Variants in LAMTOR1 observed in about 807,000 individuals in gnomAD.
LAMTOR1 encodes ragulator complex protein LAMTOR1.
In LAMTOR1, 8 loss-of-function variants were observed where a neutral mutation model predicts 20.5. That is an observed-to-expected ratio of 0.39 (90% CI 0.23 to 0.70). LAMTOR1 has a LOEUF of 0.70. Ranked by LOEUF, LAMTOR1 falls within the 30% of genes least tolerant of loss-of-function variation. The probability of loss-of-function intolerance (pLI) is 0.43; values close to 1 mark genes in which losing one functional copy is unlikely to be tolerated. For synonymous variants in LAMTOR1, 77 were observed against 80.9 expected (o/e 0.95, Z 0.26); for missense variants, 135 against 206.2 (o/e 0.65, Z 2.11).
chr11:72,097,739 A>G lies in LAMTOR1; in HGVS notation c.*83T>C. 6.2e-7 allele frequency: 1 copy of G among 1,610,992 alleles called. No individual in the cohort carries two copies. The highest frequency in any genetic ancestry group is 8.5e-7 in the Non-Finnish European group (1 of 1,179,106). On this transcript the variant is annotated 3_prime_UTR_variant, in exon 5 of 5. Coordinates refer to ENST00000278671, the MANE Select transcript of LAMTOR1 (RefSeq NM_017907.3). ...TTAGTAGCAGGTTAGGGTACTGTAT[A>G]AGCCGCAGTGAGGCTGGGGGCCAAG...
chr11:72,099,177 T>G lies in LAMTOR1; in HGVS notation c.122A>C (p.His41Pro). Residue 41 changes from histidine (H) to proline (P), a missense_variant, in exon 2 of 5, where the codon CAC becomes CCC. Coordinates refer to ENST00000278671, the MANE Select transcript of LAMTOR1 (RefSeq NM_017907.3). ...ATCAGTGCGAGCGGAAGGCAGGCTG[T>G]GGTAGTTGGGCTCGGCTCCATTGAG... ...KALNGAEPNY[H>P]SLPSARTDEQ... 1 of 1,613,304 alleles carries G rather than the reference T, an allele frequency of 6.2e-7. No homozygotes were observed. The highest frequency in any genetic ancestry group is 1.3e-5 in the African/African-American group (1 of 74,934).
At chr11:72,101,322 A>G (rs1945430642) in intron 1 of LAMTOR1, among the ~76,000 whole-genome samples, 1 of 152,220 alleles carries the variant, frequency 6.6e-6, no homozygotes, top group Non-Finnish European at 1.5e-5. Context: ...CCCAAGAGGC[A>G]GGGTTTCACT....
Position 72,097,808 on chromosome 11 carries a change from A to G in LAMTOR1, c.*14T>C. The G allele has an allele frequency of 6.2e-7, 1 of 1,613,980 alleles. No individual in the cohort carries two copies. The highest frequency in any genetic ancestry group is 8.5e-7 in the Non-Finnish European group (1 of 1,179,938). ...GATGAAGAGAGGAGAAGAGCTGTCC[A>G]AGGACCCCTCTCTTCATGGGATCCC... On this transcript the variant is annotated 3_prime_UTR_variant, in exon 5 of 5. Transcript: ENST00000278671.
Position 72,097,515 on chromosome 11 carries a change from G to A in LAMTOR1, c.*307C>T. ...AGAGGGTGGGAAGGGGATCTCCCTA[G>A]GTCCCCTGGTGATCACCCCCCACCC... On this transcript the variant is annotated 3_prime_UTR_variant, in exon 5 of 5. Transcript: ENST00000278671. The A allele has an allele frequency of 8.6e-7, 1 of 1,157,202 alleles. No homozygotes were observed. The highest frequency in any genetic ancestry group is 2.2e-5 in the South Asian group (1 of 44,522). The allele number at this position is 1,157,202 out of a possible 1,614,324, so 71.7% of individuals were successfully genotyped here. A position where few individuals can be genotyped will look rare whatever the true frequency, so the allele number is the denominator to read the frequency against.
chr11:72,099,455 G>C (rs2135158298), intron 1 of LAMTOR1, among the ~76,000 whole-genome samples, 199 bp from the exon 2 acceptor site: 1 of 152,312 alleles, frequency 6.6e-6, no homozygotes. Context: ...TGGTGTTCTA[G>C]GATAAATGAG....
At chr11:72,098,130 A>G in intron 4 of LAMTOR1, 159 bp downstream of exon 4, 1 of 1,056,100 alleles carries the variant, frequency 9.5e-7, no homozygotes, top group African/African-American at 1.6e-5. Context: ...AAGACATAAA[A>G]AGTTAAGAGA....
In LAMTOR1 at chr11:72,103,091, G is replaced by A. The variant is rs1410776478; in HGVS notation, c.42+92C>T. 38 of 1,483,988 alleles carry A rather than the reference G, an allele frequency of 2.6e-5. No homozygotes were observed. In the South Asian group the frequency reaches 3.7e-4, roughly 15 times the overall value. The allele number at this position is 1,483,988 out of a possible 1,614,324, so 91.9% of individuals were successfully genotyped here. On this transcript the variant is annotated intron_variant, in intron 1 of 4. Coordinates refer to ENST00000278671, the MANE Select transcript of LAMTOR1 (RefSeq NM_017907.3). ...GCCTCCGTATTCAGTGAGCCCTGCA[G>A]TCCGGCTGCCCGTCCTCCGCAGGTT... is the stretch of plus-strand genomic sequence containing the variant.
intron 2 of LAMTOR1, 90 bp downstream of exon 2, chr11:72,099,021 A>C: frequency 6.5e-7 from 1 of 1,536,748 alleles, no homozygotes; most frequent in Non-Finnish European, 8.9e-7. Flanking sequence ...ACCTTGTCCC[A>C]TCCCCCATGT....
At chr11:72,098,985 G>A in intron 2 of LAMTOR1, 126 bp downstream of exon 2, 2 of 1,412,812 alleles carry the variant, frequency 1.4e-6, no homozygotes, top group South Asian at 1.3e-5. Flanking sequence ...GAGCAGGGCT[G>A]GACATGGAGG....
Position 72,099,100 on chromosome 11 carries a change from C to CT in LAMTOR1, c.188+10dup. The CT allele has an allele frequency of 6.2e-7, 1 of 1,613,730 alleles. No individual in the cohort carries two copies. Among genetic ancestry groups the CT allele is most frequent in the South Asian group, 1.1e-5 (1 of 91,076 alleles). ...GGAGCTCTGACCCAGGCCTGGTCCT[C>CT]TGACACTTACCTGGCTGTCTTGGCA... On this transcript the variant is annotated intron_variant, in intron 2 of 4. Coordinates refer to ENST00000278671, the MANE Select transcript of LAMTOR1 (RefSeq NM_017907.3).
intron 1 of LAMTOR1, among the ~76,000 whole-genome samples, chr11:72,101,074 C>T (rs756442224): frequency 9.2e-5 from 14 of 152,238 alleles, no homozygotes; most frequent in Non-Finnish European, 1.5e-4. Flanking sequence ...GACAGATCTT[C>T]CTGCAGGACA....
Position 72,101,343 on chromosome 11 carries a change from G to A in LAMTOR1, c.42+1840C>T, listed in dbSNP as rs918821659. Among the ~76,000 whole-genome samples, 10 of 152,320 alleles carry A rather than the reference G, an allele frequency of 6.6e-5. No individual in the cohort carries two copies. The East Asian group carries it at 1.9e-3, about 29-fold the overall frequency. On this transcript the variant is annotated intron_variant, in intron 1 of 4. Transcript: ENST00000278671. ...AGGCAGGGTTTCACTGTCTACCTTA[G>A]CACAGACATAGCAGCCTGCCCGTGA...
chr11:72,102,888 C>T (rs1304468406), intron 1 of LAMTOR1, among the ~76,000 whole-genome samples: 1 of 152,224 alleles, frequency 6.6e-6, no homozygotes, highest in Non-Finnish European at 1.5e-5. Context: ...TCCCGGGGAC[C>T]TAGACTGAGG....
Position 72,099,182 on chromosome 11 carries a change from G to A in LAMTOR1, c.117C>T (p.Asn39=), listed in dbSNP as rs1945346628. 6.2e-7 allele frequency: 1 copy of A among 1,613,196 alleles called. No individual in the cohort carries two copies. Among genetic ancestry groups the A allele is most frequent in the Admixed American group, 1.7e-5 (1 of 59,888 alleles). The change falls in exon 2 of 5, where the codon AAC becomes AAT. Residue 39 remains asparagine, a synonymous_variant. Transcript: ENST00000278671. The part of the protein sequence containing the change: ...PTKALNGAEP[N]YHSLPSARTD... ...TGCGAGCGGAAGGCAGGCTGTGGTA[G>A]TTGGGCTCGGCTCCATTGAGAGCTT...
chr11:72,098,497 G>T, intron 3 of LAMTOR1, 82 bp from the exon 4 acceptor site: 1 of 1,493,158 alleles, frequency 6.7e-7, no homozygotes, highest in Non-Finnish European at 9.1e-7. Context: ...ATCCCCTCAG[G>T]CCAGAGAAGC....
At chr11:72,100,379 G>A (rs951878869) in intron 1 of LAMTOR1, among the ~76,000 whole-genome samples, 9 of 152,112 alleles carry the variant, frequency 5.9e-5, no homozygotes, top group Admixed American at 2.0e-4. Flanking sequence ...CTGAACTAAT[G>A]TAAGACCAAA....
At chr11:72,101,479 C>G (rs1346493560) in intron 1 of LAMTOR1, among the ~76,000 whole-genome samples, 1 of 152,240 alleles carries the variant, frequency 6.6e-6, no homozygotes, top group East Asian at 1.9e-4. Context: ...GGCCAAATCA[C>G]TTAGCTTCTC....
At chr11:72,098,608 G>T in intron 3 of LAMTOR1, 173 bp downstream of exon 3, 1 of 808,656 alleles carries the variant, frequency 1.2e-6, no homozygotes, top group Non-Finnish European at 1.9e-6. Context: ...GAGTGTCACA[G>T]GGTAAACAGG....
At position 72,098,364 on chromosome 11, in the gene LAMTOR1, T is replaced by A; in HGVS notation, c.318A>T (p.Pro106=). 6.2e-7 allele frequency: 1 copy of A among 1,612,630 alleles called. No individual in the cohort carries two copies. Among genetic ancestry groups the A allele is most frequent in the Non-Finnish European group, 8.5e-7 (1 of 1,179,594 alleles). Residue 106 remains proline, a synonymous_variant, in exon 4 of 5, where the codon CCA becomes CCT. Coordinates refer to ENST00000278671, the MANE Select transcript of LAMTOR1 (RefSeq NM_017907.3). ...SSSLTHWKKL[P]PLPSLTSQPH... ...GCTGGCTGGTAAGAGACGGCAGCGG[T>A]GGCAGCTTCTTCCAATGGGTCAGGC...
Sources: allele counts gnomAD v4.1 joint callset (sites outside exome capture counted in the v4.1 genomes callset), GRCh38; gene constraint gnomAD v4.1.1; transcripts MANE v1.5; gene names NCBI Gene and HGNC (gene_info 2026-07-23, HGNC 2026-07-21).